COL5A2: variants seen among roughly 807,000 people sequenced by gnomAD.
The protein encoded by COL5A2 is collagen type V alpha 2 chain.
In COL5A2, 23 loss-of-function variants were observed where a neutral mutation model predicts 208.2. The observed-to-expected ratio is 0.11, with a 90% CI of 0.08 to 0.16. The LOEUF is 0.16. Ranked by LOEUF, COL5A2 falls within the 10% of genes least tolerant of loss-of-function variation. The pLI is 1.00. For missense variants in COL5A2, 1,590 were observed against 1,956.4 expected, an observed-to-expected ratio of 0.81 and a Z score of 3.53; for synonymous variants, 625 against 628.5, an observed-to-expected ratio of 0.99 and a Z score of 0.08.
chr2:189,151,306 C>A (rs1160125315), intron 1 of COL5A2, among the ~76,000 whole-genome samples: 3 of 152,068 alleles, frequency 2.0e-5, no homozygotes, highest in African/African-American at 4.8e-5. Flanking sequence ...ATTTCTATGG[C>A]AAATGGTGTT....
the COL5A2 span, among the ~76,000 whole-genome samples, chr2:189,325,273 A>G: frequency 5.3e-5 from 8 of 151,948 alleles, no homozygotes; most frequent in African/African-American, 1.9e-4. Flanking sequence ...TATGTAACAA[A>G]CCTGCACATT....
rs563933264 is a variant in COL5A2, at chr2:189,187,398, G to C, written c.-42+37750C>G. Among the ~76,000 whole-genome samples the C allele has an allele frequency of 5.3e-5, 8 of 152,278 alleles. No homozygotes were observed. In the East Asian group the frequency reaches 1.4e-3, roughly 26 times the overall value. On this transcript the variant is annotated intron_variant, in intron 1 of 10. Transcript: ENST00000649966. ...ATGTCTGCAGATATGTGGTGATTAT[G>C]AGCCAGACAGAGTTTAAATGCTGGC...
chr2:189,123,262 C>G (rs745765387), intron 1 of COL5A2, among the ~76,000 whole-genome samples: 25 of 152,088 alleles, frequency 1.6e-4, no homozygotes, highest in Non-Finnish European at 3.1e-4. Flanking sequence ...CTGCGCCAGG[C>G]CTAAAAATTT....
chr2:189,034,329 T>C (rs1260733460), intron 53 of COL5A2, 113 bp from the exon 54 acceptor site: 1 of 1,089,920 alleles, frequency 9.2e-7, no homozygotes, highest in African/African-American at 1.6e-5. Context: ...TTTAGAGTAC[T>C]ACTTAAAAAA....
chr2:189,223,121 ATATCT>A (rs545649262), intron 1 of COL5A2, among the ~76,000 whole-genome samples: 65 of 152,278 alleles, frequency 4.3e-4, no homozygotes, highest in Non-Finnish European at 7.5e-4. Flanking sequence ...TTATAACAAA[ATATCT>A]TATCTTATGT....
At chr2:189,238,214 TTC>T in the COL5A2 span, among the ~76,000 whole-genome samples, 1 of 152,092 alleles carries the variant, frequency 6.6e-6, no homozygotes, top group East Asian at 1.9e-4. Context: ...GTTGGTTTAT[TTC>T]TCTCTTGATG....
At chr2:189,114,941 T>C (rs1164014113) in intron 1 of COL5A2, among the ~76,000 whole-genome samples, 1 of 152,074 alleles carries the variant, frequency 6.6e-6, no homozygotes, top group Non-Finnish European at 1.5e-5. Flanking sequence ...TAATTTTGCA[T>C]TACTTGTATT....
At chr2:189,343,097 GA>G in the COL5A2 span, among the ~76,000 whole-genome samples, 1 of 151,826 alleles carries the variant, frequency 6.6e-6, no homozygotes, top group Non-Finnish European at 1.5e-5. Context: ...AGAAACAGGA[GA>G]AAAACTACAT....
intron 43 of COL5A2, among the ~76,000 whole-genome samples, 169 bp downstream of exon 43, chr2:189,050,400 G>A (rs1007417760): frequency 6.6e-6 from 1 of 152,098 alleles, no homozygotes; most frequent in African/African-American, 2.4e-5. Context: ...ACTTTGTAAG[G>A]TAGTTAAGAA....
the COL5A2 span, chr2:189,311,703 T>A: frequency 1.3e-6 from 1 of 753,596 alleles, no homozygotes; most frequent in Non-Finnish European, 2.4e-6. Context: ...GTGGACTGCA[T>A]GGTGACCACT....
At chr2:189,417,081 C>A in the COL5A2 span, among the ~76,000 whole-genome samples, 2 of 151,986 alleles carry the variant, frequency 1.3e-5, no homozygotes, top group African/African-American at 4.8e-5. Context: ...GGATTACCAG[C>A]CTTGGTGAAT....
At chr2:189,215,366 T>C (rs1227269338) in intron 1 of COL5A2, among the ~76,000 whole-genome samples, 4 of 152,162 alleles carry the variant, frequency 2.6e-5, no homozygotes, top group Non-Finnish European at 1.5e-5. Context: ...GAAAAGTGGC[T>C]AGTCTGATTG....
chr2:189,251,914 G>GA, the COL5A2 span, among the ~76,000 whole-genome samples: 587 of 151,534 alleles, frequency 3.9e-3, 3 homozygotes, highest in Middle Eastern at 0.01. Flanking sequence ...AAATTTACAA[G>GA]AAAAAAAACA....
At chr2:189,384,025 T>G in the COL5A2 span, among the ~76,000 whole-genome samples, 2 of 152,168 alleles carry the variant, frequency 1.3e-5, no homozygotes, top group Non-Finnish European at 2.9e-5. Context: ...TTGCCATACC[T>G]GGCTTATTTT....
chr2:189,234,985 T>C, the COL5A2 span, among the ~76,000 whole-genome samples: 1 of 151,770 alleles, frequency 6.6e-6, no homozygotes, highest in South Asian at 2.1e-4. Flanking sequence ...TATACATCAT[T>C]TCAACATGTA....
At chr2:189,102,246 C>A (rs975748284) in intron 3 of COL5A2, among the ~76,000 whole-genome samples, 2 of 152,004 alleles carry the variant, frequency 1.3e-5, no homozygotes, top group African/African-American at 4.8e-5. Context: ...GACCTACAAG[C>A]AAAATGCACT....
chr2:189,301,156 C>A, the COL5A2 span, among the ~76,000 whole-genome samples: 246 of 152,078 alleles, frequency 1.6e-3, no homozygotes, highest in African/African-American at 5.8e-3. Context: ...CACTTCACTC[C>A]AGCCTGGGTG....
the COL5A2 span, among the ~76,000 whole-genome samples, chr2:189,350,656 T>C: frequency 1.3e-5 from 2 of 152,184 alleles, no homozygotes; most frequent in Non-Finnish European, 2.9e-5. Context: ...GCTGTGGTCA[T>C]GGGTCACTTT....
intron 1 of COL5A2, among the ~76,000 whole-genome samples, chr2:189,151,332 A>G (rs1688137646): frequency 6.6e-6 from 1 of 152,142 alleles, no homozygotes; most frequent in Non-Finnish European, 1.5e-5. Context: ...AGGTCTTTAA[A>G]TTGTTTATGT....
Sources: gnomAD v4.1 joint callset for allele counts (sites outside exome capture counted in the v4.1 genomes callset) on GRCh38, gnomAD v4.1.1 for gene constraint, MANE v1.5 for transcripts, NCBI Gene and HGNC (gene_info 2026-07-23, HGNC 2026-07-21) for gene names.